Variants in RNF185 observed in about 807,000 individuals in gnomAD.
The protein encoded by RNF185 is ring finger protein 185.
Under a neutral mutation model 24.9 loss-of-function variants are expected in RNF185, and 13 were observed. The ratio of observed to expected loss-of-function variants is 0.52; its 90% CI spans 0.34 to 0.83. The LOEUF (loss-of-function observed/expected upper bound fraction) is 0.83, where lower values mean the gene tolerates loss of function less well. RNF185 is among the 40% of genes least tolerant of loss of function. The pLI is 0.01. For synonymous variants in RNF185, 79 were observed against 90.3 expected, an observed-to-expected ratio of 0.88 and a Z score of 0.71; for missense variants, 184 against 244.7, an observed-to-expected ratio of 0.75 and a Z score of 1.65.
At chr22:31,179,540 A>G (rs999667378) in intron 1 of RNF185, among the ~76,000 whole-genome samples, 29 of 152,352 alleles carry the variant, frequency 1.9e-4, no homozygotes, top group African/African-American at 7.0e-4. Flanking sequence ...TCACTCAGCA[A>G]ATATTTGAGT....
At chr22:31,162,618 CT>C (rs11311405) in intron 1 of RNF185, among the ~76,000 whole-genome samples, 102,185 of 145,290 alleles carry the variant, frequency 0.7, 36,479 homozygotes, top group African/African-American at 0.87. Context: ...GATGTCAAAT[CT>C]TTTTTTTTTT....
At position 31,192,371 on chromosome 22, in the gene RNF185, A is replaced by G. The variant is rs903214723; in HGVS notation, c.177-313A>G. Among the ~76,000 whole-genome samples, 15 of 152,318 alleles carry G rather than the reference A, an allele frequency of 9.8e-5. No individual in the cohort carries two copies. In the East Asian group the frequency reaches 2.9e-3, roughly 29 times the overall value. The stretch of plus-strand genomic sequence containing the variant: ...TGTAACCTCTCACAGGGTGATTTGT[A>G]GAGAAGCTGGGTCTGTGTGGTCTGA... On this transcript the variant is annotated intron_variant, in intron 2 of 6. Coordinates refer to ENST00000326132, the MANE Select transcript of RNF185 (RefSeq NM_152267.4).
intron 6 of RNF185, among the ~76,000 whole-genome samples, chr22:31,203,810 C>T (rs761172410): frequency 1.4e-4 from 22 of 151,740 alleles, no homozygotes; most frequent in South Asian, 8.3e-4. Flanking sequence ...CTGAGGTGGG[C>T]GGATCATCTG....
intron 1 of RNF185, among the ~76,000 whole-genome samples, chr22:31,169,397 C>T (rs1244651962): frequency 6.6e-6 from 1 of 152,128 alleles, no homozygotes; most frequent in East Asian, 1.9e-4. Context: ...AATTTGTCTA[C>T]TTTTTCTTTT....
intron 1 of RNF185, among the ~76,000 whole-genome samples, chr22:31,184,106 C>T (rs1292163727): frequency 2.0e-5 from 3 of 151,526 alleles, no homozygotes; most frequent in African/African-American, 2.4e-5. Flanking sequence ...GGGGGCTGCC[C>T]ACCACCTCCT....
At chr22:31,202,569 A>G (rs972560163) in intron 6 of RNF185, among the ~76,000 whole-genome samples, 1 of 148,274 alleles carries the variant, frequency 6.7e-6, no homozygotes, top group African/African-American at 2.5e-5. Context: ...CAGAGCATCT[A>G]GCTGAGGAAT....
intron 5 of RNF185, among the ~76,000 whole-genome samples, chr22:31,200,889 A>G (rs559611235): frequency 1.3e-5 from 2 of 152,370 alleles, no homozygotes; most frequent in Admixed American, 1.3e-4. Flanking sequence ...TAACTTGTCC[A>G]TATACCTACA....
chr22:31,204,798 C>T lies in RNF185; in HGVS notation c.*212C>T. The T allele has an allele frequency of 1.9e-6, 1 of 522,750 alleles. No individual in the cohort carries two copies. The allele number at this position is 522,750 out of a possible 1,614,324, so 32.4% of individuals were successfully genotyped here. A position where few individuals can be genotyped will look rare whatever the true frequency, so the allele number is the denominator to read the frequency against. The stretch of plus-strand genomic sequence containing the variant: ...CGCCACCGCTGTAAACACTCTATAA[C>T]TTCAGGCCTTGGCATTGAGTCATCT... On this transcript the variant is annotated 3_prime_UTR_variant, in exon 7 of 7. Transcript: ENST00000326132.
Position 31,195,478 on chromosome 22 carries a change from A to G in RNF185, c.205A>G (p.Thr69Ala). 13 of 1,604,954 alleles carry G rather than the reference A, an allele frequency of 8.1e-6. No individual in the cohort carries two copies. The highest frequency in any genetic ancestry group is 1.3e-5 in the African/African-American group (1 of 74,686). The change falls in exon 4 of 7, where the codon ACC (threonine) becomes GCC (alanine). Residue 69 changes from threonine (T) to alanine (A), a missense_variant. Thr to Ala is a moderately conservative substitution (Grantham distance 58). Coordinates refer to ENST00000326132, the MANE Select transcript of RNF185 (RefSeq NM_152267.4). ...TCTCTCCTGTTTGCAGTGGTTGGAG[A>G]CCAGACCTAACAGACAGGTGTGTCC... Reference protein sequence around the residue: ...CWPCLHQWLETRPNRQVCPVC... With the variant: ...CWPCLHQWLEARPNRQVCPVC...
intron 1 of RNF185, among the ~76,000 whole-genome samples, chr22:31,176,301 G>T (rs922959235): frequency 1.4e-5 from 2 of 147,302 alleles, no homozygotes; most frequent in Non-Finnish European, 3.0e-5. Context: ...CAGTGGGCTC[G>T]CTGCAGCCTC....
At chr22:31,167,569 A>C (rs5994376) in intron 1 of RNF185, among the ~76,000 whole-genome samples, 84,256 of 149,094 alleles carry the variant, frequency 0.57, 25,215 homozygotes, top group African/African-American at 0.71. Flanking sequence ...AGAAAATCAC[A>C]CAATGTATGA....
intron 4 of RNF185, among the ~76,000 whole-genome samples, chr22:31,196,535 G>A (rs189016245): frequency 4.2e-4 from 64 of 152,306 alleles, no homozygotes; most frequent in Admixed American, 1.2e-3. Context: ...ATAGGGGAAG[G>A]TCAGAGAAAC....
chr22:31,164,018 G>A (rs886517904), intron 1 of RNF185, among the ~76,000 whole-genome samples: 4 of 151,226 alleles, frequency 2.6e-5, no homozygotes, highest in African/African-American at 9.7e-5. Context: ...TTTCACTCTT[G>A]TTGCCCAGGC....
rs149050567 is a variant in RNF185, at chr22:31,190,596, G to T, written c.177-2088G>T. On this transcript the variant is annotated intron_variant, in intron 2 of 6. Transcript: ENST00000326132. ...GCCACCACGCCCAGCCTGGTTTTTG[G>T]TTTTTTTTGAGATGGAGTCTCACTG... 1.7e-3 allele frequency among the ~76,000 whole-genome samples: 252 copies of T among 150,306 alleles called. 1 individual carries two copies. The highest frequency in any genetic ancestry group is 4.7e-3 in the South Asian group (22 of 4,726).
At chr22:31,175,149 G>A (rs1201367948) in intron 1 of RNF185, among the ~76,000 whole-genome samples, 1 of 151,444 alleles carries the variant, frequency 6.6e-6, no homozygotes, top group Non-Finnish European at 1.5e-5. Context: ...TCCCCACTCA[G>A]ATATGTGTTA....
chr22:31,167,699 C>T (rs781238378), intron 1 of RNF185, among the ~76,000 whole-genome samples: 7 of 150,126 alleles, frequency 4.7e-5, no homozygotes, highest in East Asian at 3.9e-4. Flanking sequence ...CTTCAACCTC[C>T]GCATCCTGGG....
chr22:31,203,437 C>G (rs1367568399), intron 6 of RNF185, among the ~76,000 whole-genome samples: 1 of 152,210 alleles, frequency 6.6e-6, no homozygotes, highest in African/African-American at 2.4e-5. Flanking sequence ...CTGCAGAGCT[C>G]TGCCACTAAT....
intron 4 of RNF185, among the ~76,000 whole-genome samples, chr22:31,196,612 A>G (rs2048207942): frequency 6.6e-6 from 1 of 152,198 alleles, no homozygotes; most frequent in Non-Finnish European, 1.5e-5. Flanking sequence ...GATTTCTGTT[A>G]TCTGTAACAG....
At chr22:31,185,116 TATG>T (rs770316544) in intron 1 of RNF185, among the ~76,000 whole-genome samples, 27 of 151,444 alleles carry the variant, frequency 1.8e-4, no homozygotes, top group Non-Finnish European at 2.9e-4. Flanking sequence ...GCACATGTAA[TATG>T]AAGAAGAGGA....
Sources: allele counts gnomAD v4.1 joint callset (sites outside exome capture counted in the v4.1 genomes callset), GRCh38; gene constraint gnomAD v4.1.1; transcripts MANE v1.5; gene names NCBI Gene and HGNC (gene_info 2026-07-23, HGNC 2026-07-21).